Variants in KCTD1 observed in about 807,000 individuals in gnomAD.
KCTD1 encodes BTB/POZ domain-containing protein KCTD1.
Under a neutral mutation model 66.0 loss-of-function variants are expected in KCTD1, and 24 were observed. The ratio of observed to expected loss-of-function variants is 0.36; its 90% confidence interval spans 0.26 to 0.51. The LOEUF (loss-of-function observed/expected upper bound fraction) is 0.51. KCTD1 is among the 20% of genes least tolerant of loss of function. KCTD1 has a pLI of 0.95. For synonymous variants in KCTD1, 511 were observed against 517.2 expected (o/e 0.99, Z 0.16); for missense variants, 943 against 1,205.2 (o/e 0.78, Z 3.22).
rs1449610208 is a variant in KCTD1, at chr18:26,620,365, A to C, written c.-16+8782T>G. Among the ~76,000 whole-genome samples, 940 of 131,188 alleles carry C rather than the reference A, an allele frequency of 7.2e-3. 36 individuals are homozygous for C. The highest frequency in any genetic ancestry group is 0.021 in the East Asian group (91 of 4,272). The allele number at this position is 131,188 out of a possible 152,430, so 86.1% of individuals were successfully genotyped here. ...GTAAATCTTAAAAAAAAAAAAAAAAAAAAAAAAAAAAAAAAAAAAACTATA... is the reference window on the plus strand; with the variant it reads ...GTAAATCTTAAAAAAAAAAAAAAAACAAAAAAAAAAAAAAAAAAAACTATA... On this transcript the variant is annotated intron_variant, in intron 1 of 4. Coordinates refer to the KCTD1 transcript ENST00000317932.
chr18:26,569,583 G>C (rs1222945051), intron 1 of KCTD1, among the ~76,000 whole-genome samples: 1 of 152,096 alleles, frequency 6.6e-6, no homozygotes, highest in Non-Finnish European at 1.5e-5. Flanking sequence ...GGTGGGGGGT[G>C]GGGGGTGCGG....
At chr18:26,654,936 C>A (rs563507830) in intron 1 of KCTD1, among the ~76,000 whole-genome samples, 2 of 152,308 alleles carry the variant, frequency 1.3e-5, no homozygotes, top group Admixed American at 1.3e-4. Flanking sequence ...TCGTAGTAAG[C>A]CAAATGCCAC....
chr18:26,527,117 A>G (rs1366423415), intron 1 of KCTD1, among the ~76,000 whole-genome samples: 6 of 152,146 alleles, frequency 3.9e-5, no homozygotes, highest in Non-Finnish European at 7.3e-5. Context: ...TTAGGGACAG[A>G]AATTTACTCT....
chr18:26,644,674 C>G (rs558571384), upstream of KCTD1, among the ~76,000 whole-genome samples: 1 of 151,856 alleles, frequency 6.6e-6, no homozygotes, highest in South Asian at 2.1e-4. Context: ...AGGAGAATCA[C>G]TTGAACCTGG....
At chr18:26,520,158 C>T (rs1231062180) in intron 1 of KCTD1, among the ~76,000 whole-genome samples, 3 of 152,132 alleles carry the variant, frequency 2.0e-5, no homozygotes, top group Non-Finnish European at 2.9e-5. Context: ...TGGAAAAGAT[C>T]TGGTTCATGA....
In KCTD1 at chr18:26,546,909, G is replaced by A; in HGVS notation, c.1628C>T (p.Ser543Leu). ...GGAAGTGGGGCCGCAGATTTCCCCC[G>A]ACCCGAACACAGACTCGTACAGGGC... ...KRALYESVFGSGEICGPTSPK... is the reference protein window; with the variant it reads ...KRALYESVFGLGEICGPTSPK... Residue 543 changes from serine (S) to leucine (L), a missense_variant, in exon 1 of 5, where the codon TCG becomes TTG. Around this residue, in one of 10 missense-constraint regions of KCTD1, gnomAD observed 197 missense variants for 182.7 expected, o/e 1.08. Coordinates refer to ENST00000580059, the MANE Select transcript of KCTD1 (RefSeq NM_001142730.3). 1.3e-6 allele frequency: 2 copies of A among 1,483,032 alleles called. No individual in the cohort carries two copies. Among genetic ancestry groups the A allele is most frequent in the Non-Finnish European group, 1.8e-6 (2 of 1,115,484 alleles). 91.9% of individuals were successfully genotyped at this position (1,483,032 alleles called of 1,614,324 possible).
chr18:26,657,088 CTCCTGCCCGCTCT>C (rs1185895026), intron 1 of KCTD1, among the ~76,000 whole-genome samples: 1 of 151,494 alleles, frequency 6.6e-6, no homozygotes, highest in Non-Finnish European at 1.5e-5. Flanking sequence ...GCACCCGCTC[CTCCTGCCCGCTCT>C]GCTCCGCCCT....
At chr18:26,613,684 T>C (rs1355556526) in intron 1 of KCTD1, among the ~76,000 whole-genome samples, 2 of 152,260 alleles carry the variant, frequency 1.3e-5, no homozygotes, top group Non-Finnish European at 2.9e-5. Context: ...TGTAGACTAA[T>C]GGCTTTAGTA....
At position 26,476,923 on chromosome 18, in the gene KCTD1, G is replaced by A. The variant is rs751330213; in HGVS notation, c.1989-264C>T. 1.6e-5 allele frequency: 6 copies of A among 375,908 alleles called. No homozygotes were observed. In the East Asian group the frequency reaches 1.7e-4, roughly 11 times the overall value. The allele number at this position is 375,908 out of a possible 1,614,324, so 23.3% of individuals were successfully genotyped here. A position where few individuals can be genotyped will look rare whatever the true frequency, so the allele number is the denominator to read the frequency against. On this transcript the variant is annotated intron_variant, in intron 2 of 4. Transcript: ENST00000580059. This position sits in a 1 kb window ranked among gnomAD's most constrained non-coding sequence, Gnocchi z 4.9. The stretch of plus-strand genomic sequence containing the variant: ...AAAATGTTCCTGACATGGTGATTAC[G>A]GCTAAGTGCTGTCACTGTAATGGAA...
chr18:26,597,563 G>T (rs1299826138), intron 1 of KCTD1, among the ~76,000 whole-genome samples: 14 of 151,964 alleles, frequency 9.2e-5, no homozygotes, highest in Non-Finnish European at 2.1e-4. Flanking sequence ...ATAACTATGT[G>T]TATGTACATA....
chr18:26,475,117 G>A (rs1004495588), intron 3 of KCTD1, among the ~76,000 whole-genome samples: 3 of 152,096 alleles, frequency 2.0e-5, no homozygotes, highest in African/African-American at 7.2e-5. Flanking sequence ...TTTCAGTGCT[G>A]TCAGAATGAC....
intron 2 of KCTD1, among the ~76,000 whole-genome samples, chr18:26,487,194 T>C (rs1170947408): frequency 2.0e-5 from 3 of 152,176 alleles, no homozygotes; most frequent in African/African-American, 7.2e-5. Context: ...AGGAATGAAT[T>C]ATTCTGTCGT....
chr18:26,476,853 CT>C lies in KCTD1; in HGVS notation c.1989-195del. On this transcript the variant is annotated intron_variant, in intron 2 of 4. Coordinates refer to ENST00000580059, the MANE Select transcript of KCTD1 (RefSeq NM_001142730.3). The surrounding 1 kb of genome is among the most constrained non-coding windows in gnomAD (Gnocchi z 4.9). ...CGAGACCATTCAAAATAGTCCTAGGCTTTGTCAAATGAATTCTTTTATTCAC... is the reference window on the plus strand; with the variant it reads ...CGAGACCATTCAAAATAGTCCTAGGCTTGTCAAATGAATTCTTTTATTCAC... The C allele has an allele frequency of 1.9e-6, 1 of 531,392 alleles. No homozygotes were observed. The highest frequency in any genetic ancestry group is 3.3e-6 in the Non-Finnish European group (1 of 306,622). 32.9% of individuals were successfully genotyped at this position (531,392 alleles called of 1,614,324 possible).
In KCTD1 at chr18:26,597,328, C is replaced by T. The variant is rs368049347; in HGVS notation, c.-16+31819G>A. Among the ~76,000 whole-genome samples the T allele has an allele frequency of 2.9e-4, 44 of 152,018 alleles. No individual in the cohort carries two copies. In the East Asian group the frequency reaches 5.2e-3, roughly 18 times the overall value. Reference sequence around the variant, plus strand: ...TGTGCACATGGGAGGAAGGAACAAACTTGAGGTGTGGAGACTGAGAGGAGG... The same window carrying T: ...TGTGCACATGGGAGGAAGGAACAAATTTGAGGTGTGGAGACTGAGAGGAGG... On this transcript the variant is annotated intron_variant, in intron 1 of 4. Coordinates refer to the KCTD1 transcript ENST00000317932.
intron 1 of KCTD1, among the ~76,000 whole-genome samples, chr18:26,580,551 G>A (rs1298068663): frequency 2.6e-5 from 4 of 152,056 alleles, no homozygotes; most frequent in Admixed American, 6.6e-5. Flanking sequence ...TATTACTATT[G>A]TTATCACCTC....
intron 1 of KCTD1, among the ~76,000 whole-genome samples, chr18:26,597,117 G>A (rs1986784129): frequency 6.6e-6 from 1 of 152,078 alleles, no homozygotes; most frequent in African/African-American, 2.4e-5. Context: ...AGTCCCATGG[G>A]GTGAGGAGGA....
At chr18:26,520,866 T>C (rs947582016) in intron 1 of KCTD1, among the ~76,000 whole-genome samples, 43 of 152,202 alleles carry the variant, frequency 2.8e-4, no homozygotes, top group African/African-American at 1.0e-3. Context: ...TCTCCCTGTT[T>C]TAATTTCCTA....
At chr18:26,574,344 G>A (rs1986176483) in intron 1 of KCTD1, among the ~76,000 whole-genome samples, 1 of 152,154 alleles carries the variant, frequency 6.6e-6, no homozygotes, top group African/African-American at 2.4e-5. Flanking sequence ...GTTGCCATGG[G>A]ACTCGTGATG....
At chr18:26,656,521 G>C (rs1214761337) in intron 1 of KCTD1, among the ~76,000 whole-genome samples, 1 of 151,986 alleles carries the variant, frequency 6.6e-6, no homozygotes, top group African/African-American at 2.4e-5. Flanking sequence ...CGGAGGCGGC[G>C]AATCTGGACC....
Sources: allele counts gnomAD v4.1 joint callset (sites outside exome capture counted in the v4.1 genomes callset), GRCh38; gene constraint gnomAD v4.1.1; regional missense constraint gnomAD v4.1.1; non-coding constraint Gnocchi (gnomAD v3.1); transcripts MANE v1.5; gene names NCBI Gene and HGNC (gene_info 2026-07-23, HGNC 2026-07-21).